The following DCDC2 variants were observed in gnomAD, a reference collection of about 807,000 sequenced individuals.
DCDC2 encodes doublecortin domain-containing protein 2.
A neutral mutation model predicts 50.2 loss-of-function variants in DCDC2; 40 were observed. That is an observed-to-expected ratio of 0.80 (90% CI 0.62 to 1.04). DCDC2 has a LOEUF of 1.04. DCDC2 is among the 50% of genes least tolerant of loss of function. The pLI, the probability that DCDC2 is intolerant of heterozygous loss-of-function variation, is 0.00. For missense variants in DCDC2, 570 were observed against 581.9 expected, an observed-to-expected ratio of 0.98 and a Z score of 0.21; for synonymous variants, 234 against 210.6, an observed-to-expected ratio of 1.11 and a Z score of -0.96.
Position 24,217,523 on chromosome 6 carries a change from G to T in DCDC2, c.923-12421C>A, listed in dbSNP as rs139322409. 2.5e-3 allele frequency among the ~76,000 whole-genome samples: 384 copies of T among 152,304 alleles called. 1 individual carries two copies. Among genetic ancestry groups the T allele is most frequent in the African/African-American group, 8.9e-3 (368 of 41,566 alleles). ...TGTGGTTCTCACTCAAGGTAAAGTG[G>T]TTTACGGTGTAAATGTGCAAATCAG... On this transcript the variant is annotated intron_variant, in intron 7 of 9. Transcript: ENST00000378454.
intron 8 of DCDC2, among the ~76,000 whole-genome samples, chr6:24,197,292 G>A (rs1006325314): frequency 6.6e-6 from 1 of 152,262 alleles, no homozygotes; most frequent in Non-Finnish European, 1.5e-5. Flanking sequence ...GAGGATCATC[G>A]AATGTCAAAG....
chr6:24,327,663 G>A (rs1256608793), intron 2 of DCDC2, among the ~76,000 whole-genome samples: 6 of 151,936 alleles, frequency 3.9e-5, no homozygotes, highest in East Asian at 1.9e-4. Context: ...CAGTAGAGAC[G>A]GGGTTTCACC....
At chr6:24,287,770 G>A (rs1043797998) in intron 6 of DCDC2, among the ~76,000 whole-genome samples, 3 of 152,152 alleles carry the variant, frequency 2.0e-5, no homozygotes, top group Non-Finnish European at 4.4e-5. Context: ...TGCTGCCATT[G>A]TACATTCAGT....
chr6:24,300,997 G>A (rs1759358737), intron 4 of DCDC2, among the ~76,000 whole-genome samples: 1 of 151,328 alleles, frequency 6.6e-6, no homozygotes, highest in African/African-American at 2.4e-5. Context: ...CCTGATATCT[G>A]ATTTTTACCC....
the DCDC2 span, among the ~76,000 whole-genome samples, chr6:24,382,137 T>A: frequency 6.6e-6 from 1 of 152,140 alleles, no homozygotes; most frequent in Non-Finnish European, 1.5e-5. Flanking sequence ...CTCCAGGCAA[T>A]TTTTCATGTC....
At chr6:24,324,871 A>G (rs1463659848) in intron 2 of DCDC2, among the ~76,000 whole-genome samples, 1 of 151,428 alleles carries the variant, frequency 6.6e-6, no homozygotes, top group Non-Finnish European at 1.5e-5. Context: ...TGACAGAGCA[A>G]GAGCTTGTCT....
chr6:24,258,734 A>G (rs1452377120), intron 7 of DCDC2, among the ~76,000 whole-genome samples: 1 of 152,174 alleles, frequency 6.6e-6, no homozygotes, highest in Non-Finnish European at 1.5e-5. Context: ...CATAACTCTG[A>G]GCCCTCAGAA....
At chr6:24,179,074 T>C (rs1288590795) in intron 8 of DCDC2, among the ~76,000 whole-genome samples, 1 of 152,084 alleles carries the variant, frequency 6.6e-6, no homozygotes, top group African/African-American at 2.4e-5. Context: ...GGAAAGATTG[T>C]CATCCTCAAG....
chr6:24,186,092 G>A (rs906657001), intron 8 of DCDC2, among the ~76,000 whole-genome samples: 1 of 152,274 alleles, frequency 6.6e-6, no homozygotes, highest in East Asian at 1.9e-4. Flanking sequence ...ATAGCTTTTT[G>A]TTGTTTCCAA....
chr6:24,271,301 T>C (rs1763235437), intron 7 of DCDC2, among the ~76,000 whole-genome samples: 2 of 148,300 alleles, frequency 1.3e-5, no homozygotes, highest in Non-Finnish European at 3.0e-5. Context: ...GCAGCAGAAT[T>C]AAGAAAAGGC....
intron 7 of DCDC2, 146 bp downstream of exon 7, chr6:24,277,903 C>A: frequency 1.7e-6 from 1 of 589,680 alleles, no homozygotes; most frequent in East Asian, 3.0e-5. Context: ...ATAAAAACAG[C>A]AGCATCTCTC....
intron 7 of DCDC2, among the ~76,000 whole-genome samples, chr6:24,251,774 T>C (rs1762800475): frequency 6.6e-6 from 1 of 152,244 alleles, no homozygotes; most frequent in Non-Finnish European, 1.5e-5. Flanking sequence ...TATGCATCTG[T>C]TATCTTTCTA....
chr6:24,220,905 A>AGAGAGTGAGCGAGCGAGC (rs1554146363), intron 7 of DCDC2, among the ~76,000 whole-genome samples: 1 of 148,756 alleles, frequency 6.7e-6, no homozygotes, highest in Non-Finnish European at 1.5e-5. Flanking sequence ...CGAGCGAGCG[A>AGAGAGTGAGCGAGCGAGC]GAGAGTGAGC....
rs539802007 is a variant in DCDC2 at position 24,185,317 on chromosome 6, G to A, written c.1024-6685C>T. 7.9e-4 allele frequency among the ~76,000 whole-genome samples: 120 copies of A among 152,076 alleles called. 1 individual carries two copies. The highest frequency in any genetic ancestry group is 2.5e-3 in the African/African-American group (104 of 41,504). On this transcript the variant is annotated intron_variant, in intron 8 of 9. Transcript: ENST00000378454. ...CCCATTATTTCTATTAGACTTTCCC[G>A]GCACAGCTATTTTAGTAGTCATCAA...
At position 24,210,070 on chromosome 6, in the gene DCDC2, G is replaced by GCC. The variant is rs1296938321; in HGVS notation, c.923-4969_923-4968insGG. Among the ~76,000 whole-genome samples, 176 of 140,358 alleles carry GCC rather than the reference G, an allele frequency of 1.3e-3. 1 individual carries two copies. The highest frequency in any genetic ancestry group is 4.4e-3 in the African/African-American group (158 of 35,878). The allele number at this position is 140,358 out of a possible 152,430, so 92.1% of individuals were successfully genotyped here. ...TGTGTGTGTGTCTGTCTGTCTGTCTGTCTGCCTGCCTGCCTGTCTGTCTTC... is the reference window on the plus strand; with the variant it reads ...TGTGTGTGTGTCTGTCTGTCTGTCTGCCTCTGCCTGCCTGCCTGTCTGTCTTC... On this transcript the variant is annotated intron_variant, in intron 7 of 9. Transcript: ENST00000378454.
At chr6:24,291,363 T>C (rs1168291540) in intron 4 of DCDC2, among the ~76,000 whole-genome samples, 1 of 152,188 alleles carries the variant, frequency 6.6e-6, no homozygotes, top group Admixed American at 6.5e-5. Context: ...AGGATCCCTA[T>C]TGCTGCCATA....
At chr6:24,240,923 G>T (rs1762550839) in intron 7 of DCDC2, among the ~76,000 whole-genome samples, 1 of 152,218 alleles carries the variant, frequency 6.6e-6, no homozygotes, top group Non-Finnish European at 1.5e-5. Context: ...ACAACTATTT[G>T]TGTAAAGTCA....
In DCDC2 at chr6:24,193,147, C is replaced by G. The variant is rs9467068; in HGVS notation, c.1023+11855G>C. The stretch of plus-strand genomic sequence containing the variant: ...AGAATTGTATACTTCACCATACTTA[C>G]AGTCAAGTTTGATTAGAGAAAAAAA... On this transcript the variant is annotated intron_variant, in intron 8 of 9. Transcript: ENST00000378454. Among the ~76,000 whole-genome samples the G allele has an allele frequency of 9.8e-3, 1,483 of 151,960 alleles. 28 individuals are homozygous for G. Among genetic ancestry groups the G allele is most frequent in the African/African-American group, 0.034 (1,405 of 41,454 alleles).
chr6:24,359,207 T>G (rs867642532), upstream of DCDC2, among the ~76,000 whole-genome samples: 644 of 71,408 alleles, frequency 9.0e-3, 18 homozygotes, highest in African/African-American at 0.037. Context: ...TATATATATT[T>G]TATATATTAT....
Sources: allele counts gnomAD v4.1 joint callset (sites outside exome capture counted in the v4.1 genomes callset), GRCh38; gene constraint gnomAD v4.1.1; transcripts MANE v1.5; gene names NCBI Gene and HGNC (gene_info 2026-07-23, HGNC 2026-07-21).